Variants in SP140 observed in about 807,000 individuals in gnomAD.
SP140 encodes SP140 nuclear body protein.
In SP140, 81 loss-of-function variants were observed where a neutral mutation model predicts 125.0. That is an observed-to-expected ratio of 0.65 (90% CI 0.54 to 0.78). The LOEUF (loss-of-function observed/expected upper bound fraction) is 0.78. Among genes scored for constraint, SP140 ranks in the 30% least tolerant of loss-of-function variants. The probability of loss-of-function intolerance (pLI) is 0.00; values close to 1 mark genes in which losing one functional copy is unlikely to be tolerated. For missense variants in SP140, 858 were observed against 1,037.0 expected, an observed-to-expected ratio of 0.83 and a Z score of 2.37; for synonymous variants, 312 against 354.0, an observed-to-expected ratio of 0.88 and a Z score of 1.33.
At chr2:230,308,769 A>C (rs2149609996) in intron 22 of SP140, among the ~76,000 whole-genome samples, 1 of 152,248 alleles carries the variant, frequency 6.6e-6, no homozygotes, top group South Asian at 2.1e-4. Flanking sequence ...TTGGTAGGAA[A>C]CCTTACCTGC....
chr2:230,307,534 C>G (rs542266553), intron 22 of SP140, among the ~76,000 whole-genome samples: 7 of 152,240 alleles, frequency 4.6e-5, no homozygotes, highest in African/African-American at 7.2e-5. Context: ...GCCAGCACAT[C>G]CCCTGTTGCC....
intron 1 of SP140, chr2:230,212,870 C>T: frequency 1.2e-6 from 2 of 1,614,094 alleles, no homozygotes. Flanking sequence ...ATGTTCCAGG[C>T]TCACTGACTC....
At chr2:230,189,493 T>A in the SP140 span, among the ~76,000 whole-genome samples, 1 of 152,244 alleles carries the variant, frequency 6.6e-6, no homozygotes, top group Admixed American at 6.5e-5. Flanking sequence ...GTTATGGTTT[T>A]GAAAGTTCCT....
chr2:230,248,291 C>G (rs1462015036), intron 8 of SP140, among the ~76,000 whole-genome samples: 2 of 152,128 alleles, frequency 1.3e-5, no homozygotes, highest in Non-Finnish European at 2.9e-5. Context: ...GATATTATCA[C>G]AAAGGCAAAG....
At chr2:230,225,596 A>T (rs1574847283), upstream of SP140, 2 of 566,984 alleles carry the variant, frequency 3.5e-6, no homozygotes, top group East Asian at 3.1e-5. Context: ...CTTGGCAGGA[A>T]CAAGTGACCC....
intron 17 of SP140, 111 bp downstream of exon 17, chr2:230,285,943 A>G (rs891909135): frequency 3.8e-6 from 3 of 784,474 alleles, no homozygotes; most frequent in South Asian, 3.3e-5. Context: ...AGCTTAGTCA[A>G]TTGGAGAGCA....
Position 230,269,921 on chromosome 2 carries a change from G to T in SP140, c.1412G>T (p.Arg471Met). The change falls in exon 14 of 27, where the codon AGG (arginine) becomes ATG (methionine). Residue 471 changes from arginine (R) to methionine (M), a missense_variant. This residue lies in a region of SP140 where 791 missense variants were observed against 869.5 expected (regional missense o/e 0.91). Transcript: ENST00000392045. Reference protein sequence around the residue: ...SEEVPGSPEARTESDQACGTM... With the variant: ...SEEVPGSPEAMTESDQACGTM... ...GAGGTGCCAGGAAGCCCAGAAGCAA[G>T]GACGGAAAGTGATCAAGCGTGTGGC... 6.2e-7 allele frequency: 1 copy of T among 1,613,996 alleles called. No homozygotes were observed. Among genetic ancestry groups the T allele is most frequent in the Non-Finnish European group, 8.5e-7 (1 of 1,179,888 alleles).
chr2:230,288,176 G>T, intron 18 of SP140: 1 of 474,318 alleles, frequency 2.1e-6, no homozygotes. Flanking sequence ...GATCCCAGGG[G>T]CCCAGGGGCC....
chr2:230,267,129 A>T (rs1278718946), intron 12 of SP140, among the ~76,000 whole-genome samples: 1 of 152,234 alleles, frequency 6.6e-6, no homozygotes, highest in Admixed American at 6.5e-5. Context: ...ATCAAGTGAG[A>T]CATTAAACAA....
chr2:230,276,864 G>A (rs1027218231), intron 15 of SP140, among the ~76,000 whole-genome samples: 1 of 152,186 alleles, frequency 6.6e-6, no homozygotes, highest in African/African-American at 2.4e-5. Flanking sequence ...CAACACATCA[G>A]TGAAGAAGTA....
chr2:230,238,903 G>T (rs1179499844), intron 3 of SP140: 15 of 1,550,624 alleles, frequency 9.7e-6, no homozygotes, highest in Middle Eastern at 3.7e-4. Context: ...GGGGGTTGGT[G>T]GGGGCCTTTC....
chr2:230,275,233 G>C (rs2054541410), intron 15 of SP140, among the ~76,000 whole-genome samples: 1 of 152,070 alleles, frequency 6.6e-6, no homozygotes, highest in Non-Finnish European at 1.5e-5. Flanking sequence ...CATCTCGTTT[G>C]ATTGCACTTC....
At chr2:230,262,965 G>A (rs1388771536) in intron 12 of SP140, among the ~76,000 whole-genome samples, 1 of 152,090 alleles carries the variant, frequency 6.6e-6, no homozygotes, top group Non-Finnish European at 1.5e-5. Flanking sequence ...ATATATATCT[G>A]TTAAATCCAT....
chr2:230,268,728 AGTT>A (rs1462590975), intron 12 of SP140, among the ~76,000 whole-genome samples: 8 of 152,178 alleles, frequency 5.3e-5, no homozygotes, highest in African/African-American at 1.2e-4. Flanking sequence ...TCAGAGTTCG[AGTT>A]GTTGTTGAGA....
At chr2:230,191,579 C>G in the SP140 span, among the ~76,000 whole-genome samples, 2 of 152,038 alleles carry the variant, frequency 1.3e-5, no homozygotes, top group South Asian at 2.1e-4. Context: ...CAAGACTAAA[C>G]CAGGAAGAAG....
At chr2:230,195,345 G>T in the SP140 span, among the ~76,000 whole-genome samples, 3 of 152,112 alleles carry the variant, frequency 2.0e-5, no homozygotes, top group East Asian at 1.9e-4. Flanking sequence ...CATTTAAAAA[G>T]TTTTTTGGGG....
intron 12 of SP140, among the ~76,000 whole-genome samples, chr2:230,263,914 G>A (rs191830922): frequency 1.4e-4 from 21 of 152,178 alleles, no homozygotes; most frequent in East Asian, 1.2e-3. Context: ...TCTTTCCTTC[G>A]TCTTAAATTT....
At chr2:230,218,587 C>G (rs556264354) in intron 3 of SP140, among the ~76,000 whole-genome samples, 1 of 152,144 alleles carries the variant, frequency 6.6e-6, no homozygotes, top group Non-Finnish European at 1.5e-5. Flanking sequence ...ATTCATTATA[C>G]AGCAGCGCTC....
upstream of SP140, chr2:230,221,838 G>T: frequency 9.7e-7 from 1 of 1,027,478 alleles, no homozygotes; most frequent in Non-Finnish European, 1.4e-6. Context: ...AGTAAAGCAG[G>T]AGTGGGAAAA....
Sources: allele counts gnomAD v4.1 joint callset (sites outside exome capture counted in the v4.1 genomes callset), GRCh38; gene constraint gnomAD v4.1.1; regional missense constraint gnomAD v4.1.1; transcripts MANE v1.5; gene names NCBI Gene and HGNC (gene_info 2026-07-23, HGNC 2026-07-21).